TENM3: variants seen among roughly 807,000 people sequenced by gnomAD.
TENM3 encodes the protein teneurin transmembrane protein 3.
In TENM3, 63 loss-of-function variants were observed where a neutral mutation model predicts 255.1. The ratio of observed to expected loss-of-function variants is 0.25; its 90% CI spans 0.20 to 0.30. The LOEUF (loss-of-function observed/expected upper bound fraction) is 0.30, where lower values mean the gene tolerates loss of function less well. Among genes scored for constraint, TENM3 ranks in the 10% least tolerant of loss-of-function variants. The probability of loss-of-function intolerance (pLI) is 1.00; values close to 1 mark genes in which losing one functional copy is unlikely to be tolerated. For missense variants in TENM3, 2,929 were observed against 3,461.1 expected, an observed-to-expected ratio of 0.85 and a Z score of 3.86; for synonymous variants, 1,306 against 1,322.3, an observed-to-expected ratio of 0.99 and a Z score of 0.27.
At chr4:182,698,913 T>C (rs1189272642) in intron 12 of TENM3, among the ~76,000 whole-genome samples, 1 of 152,248 alleles carries the variant, frequency 6.6e-6, no homozygotes, top group East Asian at 1.9e-4. Flanking sequence ...TGAGGCCTTC[T>C]GAGACTCAAT....
intron 3 of TENM3, among the ~76,000 whole-genome samples, chr4:182,385,422 G>A (rs1388673017): frequency 6.6e-6 from 1 of 151,920 alleles, no homozygotes; most frequent in Non-Finnish European, 1.5e-5. Flanking sequence ...CCACAACCAA[G>A]CCCGGATAAT....
the TENM3 span, among the ~76,000 whole-genome samples, chr4:181,686,628 C>G: frequency 6.6e-6 from 1 of 152,196 alleles, no homozygotes; most frequent in South Asian, 2.1e-4. Flanking sequence ...GCAGAAGAGG[C>G]AGCATATCCA....
intron 1 of TENM3, among the ~76,000 whole-genome samples, chr4:182,199,391 C>G (rs201275000): frequency 6.6e-6 from 1 of 152,058 alleles, no homozygotes; most frequent in East Asian, 1.9e-4. Flanking sequence ...CACTGCACTC[C>G]AGCCTGGGCA....
At chr4:182,634,116 G>A (rs1232997754) in intron 5 of TENM3, among the ~76,000 whole-genome samples, 1 of 152,158 alleles carries the variant, frequency 6.6e-6, no homozygotes, top group East Asian at 1.9e-4. Context: ...GCTGTCACGT[G>A]TCCCGTTTCA....
At chr4:181,962,461 A>G in the TENM3 span, among the ~76,000 whole-genome samples, 1 of 152,216 alleles carries the variant, frequency 6.6e-6, no homozygotes, top group Non-Finnish European at 1.5e-5. Context: ...GTATTGTTGT[A>G]TCTGCAACTT....
the TENM3 span, among the ~76,000 whole-genome samples, chr4:181,652,384 C>T: frequency 5.3e-5 from 8 of 152,220 alleles, no homozygotes; most frequent in South Asian, 1.4e-3. Context: ...CTCGCCTACA[C>T]TCTCTACGAA....
intron 3 of TENM3, among the ~76,000 whole-genome samples, chr4:182,555,734 G>A (rs1303531912): frequency 6.6e-6 from 1 of 151,906 alleles, no homozygotes; most frequent in Non-Finnish European, 1.5e-5. Flanking sequence ...ATGCAATAAT[G>A]TATTTATTGA....
chr4:181,493,237 A>G, the TENM3 span, among the ~76,000 whole-genome samples: 1 of 151,206 alleles, frequency 6.6e-6, no homozygotes, highest in Non-Finnish European at 1.5e-5. Flanking sequence ...TCAAAGTTAC[A>G]GTGAGCTAGG....
At chr4:182,049,093 C>T in the TENM3 span, among the ~76,000 whole-genome samples, 1 of 152,068 alleles carries the variant, frequency 6.6e-6, no homozygotes, top group African/African-American at 2.4e-5. Flanking sequence ...CAGAGTCACT[C>T]AAGGAGAAAC....
At chr4:182,541,306 C>G (rs1560895941) in intron 3 of TENM3, among the ~76,000 whole-genome samples, 8 of 151,862 alleles carry the variant, frequency 5.3e-5, no homozygotes. Context: ...GAAAGTGATT[C>G]TGTGTGTGTG....
At chr4:181,658,747 T>G in the TENM3 span, among the ~76,000 whole-genome samples, 1 of 152,328 alleles carries the variant, frequency 6.6e-6, no homozygotes, top group Middle Eastern at 3.4e-3. Flanking sequence ...ATAGGCTATT[T>G]AATTAGCCCA....
chr4:182,285,842 C>T (rs1352955836), intron 1 of TENM3, among the ~76,000 whole-genome samples: 1 of 150,956 alleles, frequency 6.6e-6, no homozygotes, highest in East Asian at 1.9e-4. Context: ...GGACCAAAAC[C>T]ACTAACCATA....
At chr4:181,966,685 A>T in the TENM3 span, among the ~76,000 whole-genome samples, 1 of 152,206 alleles carries the variant, frequency 6.6e-6, no homozygotes, top group East Asian at 1.9e-4. Flanking sequence ...ATGTAATTTG[A>T]AGACATTGTG....
At chr4:181,989,338 T>G in the TENM3 span, among the ~76,000 whole-genome samples, 1 of 152,174 alleles carries the variant, frequency 6.6e-6, no homozygotes, top group Middle Eastern at 3.4e-3. Context: ...AAGCTGTGTT[T>G]AAAGGAGAGC....
At chr4:181,877,671 T>C in the TENM3 span, among the ~76,000 whole-genome samples, 1 of 152,082 alleles carries the variant, frequency 6.6e-6, no homozygotes, top group African/African-American at 2.4e-5. Context: ...TGGTATTGAA[T>C]CAAGTCCAAG....
At chr4:181,700,268 T>C in the TENM3 span, among the ~76,000 whole-genome samples, 1 of 151,796 alleles carries the variant, frequency 6.6e-6, no homozygotes, top group African/African-American at 2.4e-5. Context: ...GCATTCCTAA[T>C]ATAAGTCAGT....
At chr4:181,995,876 GA>G in the TENM3 span, among the ~76,000 whole-genome samples, 1 of 152,128 alleles carries the variant, frequency 6.6e-6, no homozygotes, top group South Asian at 2.1e-4. Context: ...ATTTATAAGA[GA>G]AAGCTGCCAC....
At chr4:182,595,313 T>C (rs546033305) in intron 3 of TENM3, among the ~76,000 whole-genome samples, 1 of 152,086 alleles carries the variant, frequency 6.6e-6, no homozygotes, top group South Asian at 2.1e-4. Flanking sequence ...GCCGGTAAGC[T>C]GCTTACACTG....
At chr4:181,546,678 C>T in the TENM3 span, among the ~76,000 whole-genome samples, 3 of 138,554 alleles carry the variant, frequency 2.2e-5, no homozygotes, top group African/African-American at 8.4e-5. Flanking sequence ...CGCGCCACTG[C>T]ACTCCAGCCT....
Sources: gnomAD v4.1 joint callset for allele counts (sites outside exome capture counted in the v4.1 genomes callset) on GRCh38, gnomAD v4.1.1 for gene constraint, MANE v1.5 for transcripts, NCBI Gene and HGNC (gene_info 2026-07-23, HGNC 2026-07-21) for gene names.